Variants in SUCLG2 observed in about 807,000 individuals in gnomAD.
SUCLG2 encodes succinate--CoA ligase [GDP-forming] subunit beta, mitochondrial.
SUCLG2 carries 42 observed loss-of-function variants against 47.9 expected under a neutral mutation model. The observed-to-expected ratio is 0.88, with a 90% CI of 0.69 to 1.14. The LOEUF (loss-of-function observed/expected upper bound fraction) is 1.14. Among genes scored for constraint, SUCLG2 ranks in the 50% most tolerant of loss-of-function variants. SUCLG2 has a pLI of 0.00. For missense variants in SUCLG2, 571 were observed against 525.9 expected, an observed-to-expected ratio of 1.09 and a Z score of -0.84; for synonymous variants, 195 against 197.3, an observed-to-expected ratio of 0.99 and a Z score of 0.10.
intron 2 of SUCLG2, among the ~76,000 whole-genome samples, chr3:67,573,832 T>A (rs138334787): frequency 0.017 from 2,545 of 152,248 alleles, 36 homozygotes; most frequent in Non-Finnish European, 0.025. Context: ...ATTCAAATTG[T>A]CTGCGAGCCT....
intron 2 of SUCLG2, among the ~76,000 whole-genome samples, chr3:67,547,438 AAC>A (rs1265170620): frequency 6.6e-6 from 1 of 152,194 alleles, no homozygotes; most frequent in African/African-American, 2.4e-5. Context: ...TCCAGAAGTA[AAC>A]AATACATCTA....
chr3:67,405,372 C>T (rs1174281519), intron 9 of SUCLG2, among the ~76,000 whole-genome samples: 2 of 152,194 alleles, frequency 1.3e-5, no homozygotes, highest in Non-Finnish European at 2.9e-5. Flanking sequence ...ATTTATCAAG[C>T]TTCTTTTGAC....
chr3:67,476,396 G>T (rs533377310), intron 9 of SUCLG2, among the ~76,000 whole-genome samples: 1 of 151,914 alleles, frequency 6.6e-6, no homozygotes, highest in Non-Finnish European at 1.5e-5. Context: ...AAGGTTGTGC[G>T]CTCCTTATGA....
chr3:67,470,979 C>A (rs796403846), intron 9 of SUCLG2, among the ~76,000 whole-genome samples: 5 of 152,218 alleles, frequency 3.3e-5, no homozygotes, highest in African/African-American at 1.2e-4. Flanking sequence ...TGCCTGTTAA[C>A]TGGGAGGGTG....
chr3:67,612,610 G>C (rs1484922460), intron 1 of SUCLG2, among the ~76,000 whole-genome samples: 1 of 152,182 alleles, frequency 6.6e-6, no homozygotes, highest in Non-Finnish European at 1.5e-5. Flanking sequence ...GAAATGTCAA[G>C]AATTATTATC....
chr3:67,596,117 G>A (rs972164929), intron 2 of SUCLG2, among the ~76,000 whole-genome samples: 1 of 152,192 alleles, frequency 6.6e-6, no homozygotes, highest in African/African-American at 2.4e-5. Context: ...GTACCCACAA[G>A]TTTCCTGACC....
At chr3:67,540,559 A>G (rs1384952021) in intron 2 of SUCLG2, among the ~76,000 whole-genome samples, 1 of 152,186 alleles carries the variant, frequency 6.6e-6, no homozygotes, top group Non-Finnish European at 1.5e-5. Flanking sequence ...AGGGACTTAT[A>G]GATCAAACTC....
intron 2 of SUCLG2, among the ~76,000 whole-genome samples, chr3:67,574,796 T>C (rs1484530156): frequency 2.0e-5 from 3 of 152,158 alleles, no homozygotes; most frequent in Non-Finnish European, 2.9e-5. Flanking sequence ...GAAAAAGTAT[T>C]TGCAAAATAC....
chr3:67,436,479 A>T (rs1232062988), intron 9 of SUCLG2, among the ~76,000 whole-genome samples: 2 of 152,224 alleles, frequency 1.3e-5, no homozygotes, highest in East Asian at 1.9e-4. Flanking sequence ...AATGGCATTT[A>T]TAAAAATCCT....
intron 9 of SUCLG2, among the ~76,000 whole-genome samples, chr3:67,404,125 C>T (rs111682104): frequency 0.064 from 9,732 of 152,220 alleles, 412 homozygotes; most frequent in Middle Eastern, 0.14. Flanking sequence ...CTCTACTGAT[C>T]CTCCTGCCTT....
At chr3:67,530,188 T>A (rs1706363879) in intron 2 of SUCLG2, among the ~76,000 whole-genome samples, 1 of 152,200 alleles carries the variant, frequency 6.6e-6, no homozygotes, top group African/African-American at 2.4e-5. Context: ...GGTTTCAATC[T>A]GGCCTTCATC....
intron 9 of SUCLG2, among the ~76,000 whole-genome samples, chr3:67,478,300 A>G (rs1704820476): frequency 6.6e-6 from 1 of 152,214 alleles, no homozygotes; most frequent in African/African-American, 2.4e-5. Context: ...TATTTCCTCT[A>G]ATAATGGATT....
intron 7 of SUCLG2, among the ~76,000 whole-genome samples, chr3:67,504,822 C>T (rs1055664223): frequency 6.6e-6 from 1 of 151,852 alleles, no homozygotes; most frequent in Non-Finnish European, 1.5e-5. Context: ...CAGTGGCTAG[C>T]AAAATGAATG....
At chr3:67,653,635 G>A (rs1047495398) in intron 1 of SUCLG2, among the ~76,000 whole-genome samples, 3 of 152,180 alleles carry the variant, frequency 2.0e-5, no homozygotes, top group Non-Finnish European at 4.4e-5. Flanking sequence ...CTCTGCTGTG[G>A]CTGAATCCCA....
At chr3:67,504,628 T>C (rs181354713) in intron 7 of SUCLG2, among the ~76,000 whole-genome samples, 2 of 152,256 alleles carry the variant, frequency 1.3e-5, no homozygotes, top group Non-Finnish European at 2.9e-5. Flanking sequence ...TCCTGTGCGT[T>C]GTAGTTTAGC....
intron 9 of SUCLG2, among the ~76,000 whole-genome samples, chr3:67,433,990 G>C (rs892385026): frequency 6.6e-6 from 1 of 152,048 alleles, no homozygotes; most frequent in Non-Finnish European, 1.5e-5. Context: ...TGAGCCATGA[G>C]GGCAAATCCA....
At chr3:67,534,528 T>C (rs1706486496) in intron 2 of SUCLG2, among the ~76,000 whole-genome samples, 1 of 151,888 alleles carries the variant, frequency 6.6e-6, no homozygotes, top group African/African-American at 2.4e-5. Flanking sequence ...CTAATCTTAC[T>C]TACTGCTTTC....
chr3:67,603,674 T>A (rs138338349), intron 2 of SUCLG2, among the ~76,000 whole-genome samples: 22 of 152,326 alleles, frequency 1.4e-4, no homozygotes, highest in African/African-American at 5.1e-4. Flanking sequence ...GAGTCTCATG[T>A]CAACATGTGT....
At chr3:67,647,360 A>T (rs943004228) in intron 1 of SUCLG2, among the ~76,000 whole-genome samples, 2 of 152,248 alleles carry the variant, frequency 1.3e-5, no homozygotes, top group African/African-American at 4.8e-5. Context: ...ATTTCTAGAA[A>T]GGGTAAAAGC....
Sources: allele counts gnomAD v4.1 joint callset (sites outside exome capture counted in the v4.1 genomes callset), GRCh38; gene constraint gnomAD v4.1.1; transcripts MANE v1.5; gene names NCBI Gene and HGNC (gene_info 2026-07-23, HGNC 2026-07-21).